Variants in THNSL2 observed in about 807,000 individuals in gnomAD.
The protein encoded by THNSL2 is threonine synthase like 2, also known as threonine synthase-like 2.
A neutral mutation model predicts 40.0 loss-of-function variants in THNSL2; 34 were observed. The observed-to-expected ratio is 0.85, with a 90% CI of 0.65 to 1.13. The LOEUF (loss-of-function observed/expected upper bound fraction) is 1.13, where lower values mean the gene tolerates loss of function less well. THNSL2 is among the 50% of genes most tolerant of loss of function. THNSL2 has a pLI of 0.00. For synonymous variants in THNSL2, 241 were observed against 247.5 expected (o/e 0.97, Z 0.25); for missense variants, 537 against 608.8 (o/e 0.88, Z 1.24).
chr2:88,173,064 G>A, intron 1 of THNSL2, 75 bp from the exon 2 acceptor site: 1 of 1,020,650 alleles, frequency 9.8e-7, no homozygotes, highest in South Asian at 1.8e-5. Context: ...CTGTGAGACT[G>A]TGTGTGCTTT....
Position 88,182,777 on chromosome 2 carries a change from C to A in THNSL2, c.881C>A (p.Thr294Asn). 6.2e-7 allele frequency: 1 copy of A among 1,614,180 alleles called. No individual in the cohort carries two copies. Residue 294 changes from threonine to asparagine, a missense_variant, in exon 6 of 9, where the codon ACT becomes AAT. Thr to Asn is a moderately conservative substitution (Grantham distance 65). Transcript: ENST00000674334. ...AVNRNDIIHRTVQQGDFSLSE... is the reference protein window; with the variant it reads ...AVNRNDIIHRNVQQGDFSLSE... ...AACCGCAATGACATCATCCACAGGACTGTCCAGCAGGGAGACTTCTCTCTC... is the reference window on the plus strand; with the variant it reads ...AACCGCAATGACATCATCCACAGGAATGTCCAGCAGGGAGACTTCTCTCTC...
chr2:88,174,729 G>A lies in THNSL2; in HGVS notation c.314G>A (p.Trp105Ter). Residue 105 changes from tryptophan (W) to a stop codon, truncating the protein, a stop_gained, in exon 3 of 9, where the codon TGG (tryptophan) becomes TAG (stop). Coordinates refer to ENST00000674334, the MANE Select transcript of THNSL2 (RefSeq NM_018271.5). LOFTEE classifies it high-confidence loss of function. ...LRNGLNVLEL[W>*]HGVTYAFKDL... is the part of the protein sequence containing the mutation. ...AATGGGCTGAACGTGTTGGAGCTGT[G>A]GCATGGCGTCACATATGCATTTAAG... The A allele has an allele frequency of 6.2e-7, 1 of 1,614,148 alleles. No homozygotes were observed. The highest frequency in any genetic ancestry group is 1.1e-5 in the South Asian group (1 of 91,070).
chr2:88,185,129 G>A (rs906670285), intron 7 of THNSL2, among the ~76,000 whole-genome samples, 199 bp from the exon 8 acceptor site: 3 of 152,172 alleles, frequency 2.0e-5, no homozygotes, highest in African/African-American at 4.8e-5. Context: ...AAACTCAAAC[G>A]TATCTTTCCT....
At chr2:88,174,920 A>G in intron 3 of THNSL2, 87 bp downstream of exon 3, 2 of 1,455,998 alleles carry the variant, frequency 1.4e-6, no homozygotes, top group East Asian at 2.3e-5. Flanking sequence ...AGAGCCACTC[A>G]GGAACTGTGG....
intron 5 of THNSL2, 118 bp from the exon 6 acceptor site, chr2:88,182,581 A>T: frequency 8.2e-7 from 1 of 1,216,442 alleles, no homozygotes; most frequent in Non-Finnish European, 1.1e-6. Context: ...TGTCCTTTTT[A>T]AAGCACAAAA....
chr2:88,171,399 C>T (rs1176899861), intron 1 of THNSL2: 5 of 445,894 alleles, frequency 1.1e-5, no homozygotes, highest in Non-Finnish European at 2.2e-5. Flanking sequence ...TGTTCCATAT[C>T]CTCCTTCCCA....
At chr2:88,183,370 C>T in intron 7 of THNSL2, 1 of 278,890 alleles carries the variant, frequency 3.6e-6, no homozygotes, top group Non-Finnish European at 6.7e-6. Context: ...AGAATGCCTA[C>T]CTCATAGAGT....
chr2:88,178,047 C>T (rs1285379513), intron 4 of THNSL2, among the ~76,000 whole-genome samples: 1 of 152,190 alleles, frequency 6.6e-6, no homozygotes, highest in Admixed American at 6.5e-5. Flanking sequence ...CTCTTCCTTC[C>T]AAGTGTAGAT....
intron 1 of THNSL2, chr2:88,172,792 C>A (rs1034636281): frequency 2.8e-5 from 5 of 176,612 alleles, no homozygotes; most frequent in Admixed American, 2.5e-4. Context: ...AGAGGGATAT[C>A]AAGCTGGCAG....
chr2:88,178,490 T>C (rs2104200139), intron 4 of THNSL2, among the ~76,000 whole-genome samples: 1 of 152,348 alleles, frequency 6.6e-6, no homozygotes, highest in South Asian at 2.1e-4. Flanking sequence ...CCATTTGCTA[T>C]CTTATTTTAG....
rs1467096820 is a variant in THNSL2, at chr2:88,186,625, T to C, written c.*502T>C. ...CCTGGAATAAAATGCTTGTTCAGTG[T>C]GATGGAGCGGCACGTCTCTGGGCAG... On this transcript the variant is annotated 3_prime_UTR_variant, in exon 9 of 9. Coordinates refer to ENST00000674334, the MANE Select transcript of THNSL2 (RefSeq NM_018271.5). 5.7e-6 allele frequency: 1 copy of C among 176,976 alleles called. No individual in the cohort carries two copies. The allele number at this position is 176,976 out of a possible 1,614,324, so 11.0% of individuals were successfully genotyped here.
rs189252525 is a variant in THNSL2, at chr2:88,184,436, G to T, written c.1078-892G>T. Reference sequence around the variant, plus strand: ...AAGTAAAATACATTCATTGTCTGCTGGGAACCCTAATTCACAGCAGGTAGC... The same window carrying T: ...AAGTAAAATACATTCATTGTCTGCTTGGAACCCTAATTCACAGCAGGTAGC... On this transcript the variant is annotated intron_variant, in intron 7 of 8. Transcript: ENST00000674334. Among the ~76,000 whole-genome samples the T allele has an allele frequency of 1.3e-4, 20 of 152,268 alleles. No individual in the cohort carries two copies. The East Asian group carries it at 3.9e-3, about 29-fold the overall frequency.
At chr2:88,184,153 G>A (rs559524844) in intron 7 of THNSL2, among the ~76,000 whole-genome samples, 36 of 152,220 alleles carry the variant, frequency 2.4e-4, no homozygotes, top group African/African-American at 6.7e-4. Context: ...GTGGAATTCC[G>A]GCCTTCTGGA....
intron 7 of THNSL2, chr2:88,183,377 G>C (rs1677907866): frequency 3.9e-6 from 1 of 256,974 alleles, no homozygotes; most frequent in African/African-American, 2.2e-5. Context: ...CTACCTCATA[G>C]AGTTGTTGTG....
intron 1 of THNSL2, chr2:88,171,273 A>C: frequency 2.2e-6 from 1 of 456,562 alleles, no homozygotes. Context: ...GGCATTGGAC[A>C]GAACAGGGAC....
intron 1 of THNSL2, chr2:88,172,308 A>G (rs939194394): frequency 1.3e-5 from 2 of 152,280 alleles, no homozygotes; most frequent in African/African-American, 4.8e-5. Context: ...GGGCTTCCCC[A>G]GGAACCAGAG....
intron 4 of THNSL2, among the ~76,000 whole-genome samples, chr2:88,178,506 G>A (rs1204486213): frequency 1.3e-5 from 2 of 152,172 alleles, no homozygotes; most frequent in Non-Finnish European, 2.9e-5. Flanking sequence ...TTTAGATAAT[G>A]GTAGAAACAT....
At chr2:88,181,144 TCTCTCTCTC>T (rs1322720672) in intron 5 of THNSL2, among the ~76,000 whole-genome samples, 3 of 72,856 alleles carry the variant, frequency 4.1e-5, no homozygotes, top group Non-Finnish European at 2.7e-5. Flanking sequence ...CTCTCTCTCC[TCTCTCTCTC>T]CTCTCTCCTC....
chr2:88,171,512 G>A (rs1041946346), intron 1 of THNSL2: 1 of 336,066 alleles, frequency 3.0e-6, no homozygotes. Context: ...TCACTCCTGC[G>A]ATGGTTTCTT....
Sources: gnomAD v4.1 joint callset for allele counts (sites outside exome capture counted in the v4.1 genomes callset) on GRCh38, gnomAD v4.1.1 for gene constraint, MANE v1.5 for transcripts, NCBI Gene and HGNC (gene_info 2026-07-23, HGNC 2026-07-21) for gene names.